Variants in DLG2 observed in about 807,000 individuals in gnomAD.
The protein encoded by DLG2 is disks large homolog 2.
DLG2 carries 45 observed loss-of-function variants against 132.5 expected under a neutral mutation model. The ratio of observed to expected loss-of-function variants is 0.34; its 90% CI spans 0.27 to 0.44. The LOEUF (loss-of-function observed/expected upper bound fraction) is 0.44. DLG2 is among the 20% of genes least tolerant of loss of function. The pLI is 1.00. For missense variants in DLG2, 1,045 were observed against 1,196.9 expected (o/e 0.87, Z 1.87); for synonymous variants, 424 against 419.6 (o/e 1.01, Z -0.13).
At chr11:83,981,907 T>C (rs2449596) in intron 11 of DLG2, among the ~76,000 whole-genome samples, 26,895 of 152,126 alleles carry the variant, frequency 0.18, 3,304 homozygotes, top group African/African-American at 0.32. Context: ...TAGAGGACAG[T>C]CATGCACTGC....
At chr11:84,939,146 T>C (rs1156829026) in intron 6 of DLG2, among the ~76,000 whole-genome samples, 1 of 152,094 alleles carries the variant, frequency 6.6e-6, no homozygotes, top group African/African-American at 2.4e-5. Flanking sequence ...TGACTAAGTG[T>C]CCTTATAGCT....
chr11:85,617,997 T>C (rs1221479908), intron 2 of DLG2, among the ~76,000 whole-genome samples: 4 of 152,198 alleles, frequency 2.6e-5, no homozygotes, highest in Non-Finnish European at 5.9e-5. Context: ...TCTTAAATCC[T>C]AAAATAAAGG....
intron 16 of DLG2, among the ~76,000 whole-genome samples, chr11:83,834,821 A>G (rs2055662968): frequency 6.6e-6 from 1 of 152,200 alleles, no homozygotes; most frequent in Admixed American, 6.5e-5. Context: ...TTTCTGTATC[A>G]GTAGTTTTAA....
At chr11:85,557,354 C>G (rs914195693) in intron 3 of DLG2, among the ~76,000 whole-genome samples, 17 of 151,712 alleles carry the variant, frequency 1.1e-4, no homozygotes, top group African/African-American at 4.1e-4. Flanking sequence ...CTGGAAAAAT[C>G]AATATTGTCA....
intron 6 of DLG2, among the ~76,000 whole-genome samples, chr11:84,925,276 T>C (rs934934455): frequency 7.9e-5 from 12 of 152,168 alleles, no homozygotes; most frequent in Non-Finnish European, 1.8e-4. Flanking sequence ...AAGGATTAAA[T>C]GAAACAAGTT....
intron 6 of DLG2, among the ~76,000 whole-genome samples, chr11:84,949,337 C>G (rs1446203321): frequency 6.6e-6 from 1 of 152,144 alleles, no homozygotes; most frequent in East Asian, 1.9e-4. Context: ...CACAGGACCA[C>G]AGGACCACAG....
At chr11:84,106,919 A>AGT (rs1360866227) in intron 9 of DLG2, among the ~76,000 whole-genome samples, 7 of 65,180 alleles carry the variant, frequency 1.1e-4, no homozygotes, top group Non-Finnish European at 1.6e-4. Context: ...GTGTGAGAGA[A>AGT]GTGTGTGTGT....
At chr11:84,609,358 T>C (rs1162729418) in intron 6 of DLG2, among the ~76,000 whole-genome samples, 1 of 152,166 alleles carries the variant, frequency 6.6e-6, no homozygotes, top group African/African-American at 2.4e-5. Context: ...GAAGTAGTAA[T>C]AATAGTCAAT....
rs1161410073 is a variant in DLG2 at position 83,930,365 on chromosome 11, A to G, written c.1459T>C (p.Tyr487His). The change falls in exon 15 of 28, where the codon TAC becomes CAC. Residue 487 changes from tyrosine to histidine, a missense_variant. This residue lies in a region of DLG2 where 261 missense variants were observed against 256.1 expected (regional missense o/e 1.02). Coordinates refer to ENST00000376104, the MANE Select transcript of DLG2 (RefSeq NM_001142699.3). Reference protein sequence around the residue: ...SFLLSAPYSHYHLGLLPDSEM... With the variant: ...SFLLSAPYSHHHLGLLPDSEM... ...GAGTCAGGTAGCAGGCCTAGGTGGT[A>G]GTGGGAATAGGGAGCTGAGAGGAGG... 6.2e-7 allele frequency: 1 copy of G among 1,613,956 alleles called. No homozygotes were observed. Among genetic ancestry groups the G allele is most frequent in the Admixed American group, 1.7e-5 (1 of 60,004 alleles).
intron 3 of DLG2, among the ~76,000 whole-genome samples, chr11:85,305,692 T>C (rs2079894017): frequency 6.6e-6 from 1 of 152,072 alleles, no homozygotes; most frequent in African/African-American, 2.4e-5. Context: ...TTTTGTATTT[T>C]TAGTAGAGAA....
chr11:84,770,116 A>G (rs1397009108), intron 6 of DLG2, among the ~76,000 whole-genome samples: 1 of 152,078 alleles, frequency 6.6e-6, no homozygotes, highest in Non-Finnish European at 1.5e-5. Flanking sequence ...TTCTTGCAAG[A>G]TCTGGTTGCT....
chr11:84,238,511 C>A (rs1190730263), intron 8 of DLG2, among the ~76,000 whole-genome samples: 2 of 150,814 alleles, frequency 1.3e-5, no homozygotes, highest in African/African-American at 4.9e-5. Flanking sequence ...CAGAGTGAGA[C>A]CCTGTCTCAA....
At chr11:84,861,426 A>G (rs1426854837) in intron 6 of DLG2, among the ~76,000 whole-genome samples, 1 of 151,944 alleles carries the variant, frequency 6.6e-6, no homozygotes, top group East Asian at 1.9e-4. Flanking sequence ...CTATCATTTG[A>G]ATACTTTATA....
intron 6 of DLG2, among the ~76,000 whole-genome samples, chr11:84,822,134 C>G (rs546400653): frequency 6.6e-6 from 1 of 151,892 alleles, no homozygotes; most frequent in Admixed American, 6.6e-5. Flanking sequence ...GCAACTCTGT[C>G]ACAGTAGTTT....
chr11:84,801,998 T>A (rs2075440594), intron 6 of DLG2, among the ~76,000 whole-genome samples: 1 of 152,120 alleles, frequency 6.6e-6, no homozygotes, highest in Non-Finnish European at 1.5e-5. Context: ...AATTACTTTT[T>A]AAGTTTATAA....
At chr11:85,305,543 C>T (rs538713533) in intron 3 of DLG2, among the ~76,000 whole-genome samples, 2 of 152,258 alleles carry the variant, frequency 1.3e-5, no homozygotes, top group African/African-American at 2.4e-5. Context: ...GACAGAGTCT[C>T]ACTCTGTCGC....
rs550480219 is a variant in DLG2, at chr11:85,460,847, G to A, written c.40+137810C>T. ...CAAGGTTAGACATCTTGTAATTTAT[G>A]TATATTTGTGAGGTTTATGTTTGTC... On this transcript the variant is annotated intron_variant, in intron 3 of 27. Coordinates refer to ENST00000376104, the MANE Select transcript of DLG2 (RefSeq NM_001142699.3). Among the ~76,000 whole-genome samples the A allele has an allele frequency of 5.3e-5, 8 of 152,288 alleles. No individual in the cohort carries two copies. In the South Asian group the frequency reaches 1.5e-3, roughly 28 times the overall value.
chr11:84,875,280 G>A (rs772254206), intron 6 of DLG2, among the ~76,000 whole-genome samples: 4 of 152,056 alleles, frequency 2.6e-5, no homozygotes, highest in Non-Finnish European at 4.4e-5. Context: ...TAGGTTAAGA[G>A]TTCAGAATAG....
chr11:84,775,084 C>T (rs56339135), intron 6 of DLG2, among the ~76,000 whole-genome samples: 21,388 of 151,810 alleles, frequency 0.14, 1,723 homozygotes, highest in African/African-American at 0.22. Flanking sequence ...ATTCAACCAA[C>T]GAAAAGCTAA....
Sources: allele counts gnomAD v4.1 joint callset (sites outside exome capture counted in the v4.1 genomes callset), GRCh38; gene constraint gnomAD v4.1.1; regional missense constraint gnomAD v4.1.1; transcripts MANE v1.5; gene names NCBI Gene and HGNC (gene_info 2026-07-23, HGNC 2026-07-21).